Variants in AGAP6 observed in about 807,000 individuals in gnomAD.
The protein encoded by AGAP6 is ArfGAP with GTPase domain, ankyrin repeat and PH domain 6.
In AGAP6, 29 loss-of-function variants were observed where a neutral mutation model predicts 63.9. The ratio of observed to expected loss-of-function variants is 0.45; its 90% CI spans 0.34 to 0.62. The LOEUF is 0.62. Among genes scored for constraint, AGAP6 ranks in the 20% least tolerant of loss-of-function variants. AGAP6 has a pLI of 0.01. For missense variants in AGAP6, 493 were observed against 884.9 expected, an observed-to-expected ratio of 0.56 and a Z score of 5.62; for synonymous variants, 199 against 332.9, an observed-to-expected ratio of 0.60 and a Z score of 4.38.
chr10:49,997,585 C>A (rs539800053), intron 4 of AGAP6, among the ~76,000 whole-genome samples: 2 of 152,040 alleles, frequency 1.3e-5, no homozygotes, highest in Non-Finnish European at 2.9e-5. Context: ...GAACTTTAGT[C>A]TTTGTTTTAT....
intron 4 of AGAP6, among the ~76,000 whole-genome samples, chr10:49,996,935 T>A (rs1278184297): frequency 6.8e-6 from 1 of 147,732 alleles, no homozygotes; most frequent in Non-Finnish European, 1.5e-5. Context: ...TTATTAAAAA[T>A]TATCTCTGTC....
chr10:49,993,471 AT>A (rs1294384442), intron 3 of AGAP6, among the ~76,000 whole-genome samples: 3 of 151,538 alleles, frequency 2.0e-5, no homozygotes, highest in African/African-American at 7.3e-5. Context: ...AAAAAAAATG[AT>A]TTTTTGTGCT....
chr10:49,988,963 AC>A, intron 1 of AGAP6, 25 bp downstream of exon 1: 1 of 1,600,212 alleles, frequency 6.2e-7, no homozygotes, highest in African/African-American at 1.3e-5. Context: ...GGTGCCATCT[AC>A]CCTCGGTTTG....
intron 3 of AGAP6, among the ~76,000 whole-genome samples, chr10:49,993,346 T>TA (rs1564707217): frequency 1.3e-5 from 2 of 152,116 alleles, no homozygotes; most frequent in Non-Finnish European, 2.9e-5. Flanking sequence ...TCTTCAGTGG[T>TA]AGGAGCTTTT....
chr10:49,996,843 G>A (rs1433530147), intron 4 of AGAP6, among the ~76,000 whole-genome samples: 2 of 150,738 alleles, frequency 1.3e-5, no homozygotes, highest in African/African-American at 4.9e-5. Flanking sequence ...GCTCACTTGT[G>A]TTCCAGTCAC....
intron 2 of AGAP6, 51 bp from the exon 3 acceptor site, chr10:49,991,625 A>T: frequency 6.3e-7 from 1 of 1,593,112 alleles, no homozygotes; most frequent in South Asian, 1.1e-5. Flanking sequence ...GAGTTGATAA[A>T]TTTTTATCAA....
At chr10:50,003,368 A>C (rs1198875773) in intron 5 of AGAP6, among the ~76,000 whole-genome samples, 82 of 151,748 alleles carry the variant, frequency 5.4e-4, no homozygotes, top group African/African-American at 2.0e-3. Context: ...ACTCGCTGAG[A>C]TCACTTATGC....
In AGAP6 at chr10:50,008,922, G is replaced by A. The variant is rs781938609; in HGVS notation, c.797G>A (p.Arg266Lys). 6.2e-7 allele frequency: 1 copy of A among 1,613,884 alleles called. No individual in the cohort carries two copies. The highest frequency in any genetic ancestry group is 8.5e-7 in the Non-Finnish European group (1 of 1,179,934). The stretch of plus-strand genomic sequence containing the variant: ...AAAGGGAGTGACCCAGACAAAGAGA[G>A]GAAAGCCCCGGAGAATCATGCTGAC... ...SEKGSDPDKE[R>K]KAPENHADTI... The change falls in exon 8 of 8, where the codon AGG becomes AAG. Residue 266 changes from arginine (R) to lysine (K), a missense_variant. This residue lies in a region of AGAP6 where 342 missense variants were observed against 533.4 expected (regional missense o/e 0.64). Transcript: ENST00000412531.
rs1244292351 is a variant in AGAP6, at chr10:50,009,303, C to A, written c.1178C>A (p.Pro393His). The change falls in exon 8 of 8, where the codon CCC (proline) becomes CAC (histidine). Residue 393 changes from proline (P) to histidine (H), a missense_variant. Coordinates refer to ENST00000412531, the MANE Select transcript of AGAP6 (RefSeq NM_001077665.3). ...STTSPKLNPP[P>H]SPHANKKKHL... ...ACCAGCCCCAAGCTCAACCCGCCCC[C>A]CTCTCCTCATGCTAATAAAAAGAAA... 1.8e-5 allele frequency: 29 copies of A among 1,614,082 alleles called. No individual in the cohort carries two copies. The highest frequency in any genetic ancestry group is 2.4e-5 in the Non-Finnish European group (28 of 1,180,052).
chr10:50,006,862 G>A (rs1376456943), intron 6 of AGAP6, among the ~76,000 whole-genome samples: 2 of 149,392 alleles, frequency 1.3e-5, no homozygotes, highest in African/African-American at 2.4e-5. Context: ...CATCAAAGAC[G>A]TTCTTACGAA....
Position 49,991,407 on chromosome 10 carries a change from A to G in AGAP6, c.293-269A>G, listed in dbSNP as rs1841272968. Among the ~76,000 whole-genome samples the G allele has an allele frequency of 4.6e-5, 4 of 87,472 alleles. No individual in the cohort carries two copies. In the South Asian group the frequency reaches 1.5e-3, roughly 33 times the overall value. 57.4% of individuals were successfully genotyped at this position (87,472 alleles called of 152,430 possible). ...CTGTTTTTTTTTTTTTTTTTTTTTA[A>G]TAAAGGAGGGTGTCATTGTGTTACT... On this transcript the variant is annotated intron_variant, in intron 2 of 7. Transcript: ENST00000412531.
In AGAP6 at chr10:50,009,249, T is replaced by TA. The variant is rs1842023388; in HGVS notation, c.1125dup (p.Cys376MetfsTer23). The TA allele has an allele frequency of 6.2e-7, 1 of 1,614,068 alleles. No homozygotes were observed. Among genetic ancestry groups the TA allele is most frequent in the African/African-American group, 1.3e-5 (1 of 74,932 alleles). The stretch of plus-strand genomic sequence containing the variant: ...ATGGACACCGGGCTGGGTGACTCCA[T>TA]ATGCTTCAGCCCCAGTATCTCCAGC... On this transcript the variant is annotated frameshift_variant, in exon 8 of 8. Coordinates refer to ENST00000412531, the MANE Select transcript of AGAP6 (RefSeq NM_001077665.3). LOFTEE classifies it high-confidence loss of function.
In AGAP6 at chr10:50,010,362, A is replaced by G; in HGVS notation, c.*176A>G. On this transcript the variant is annotated 3_prime_UTR_variant, in exon 8 of 8. Transcript: ENST00000412531. The stretch of plus-strand genomic sequence containing the variant: ...TTTTTCTGACCATAAGACGTATTTT[A>G]TGTCCTTCTGCCAAGGTGGATTTGT... 7.7e-7 allele frequency: 1 copy of G among 1,304,130 alleles called. No homozygotes were observed. Among genetic ancestry groups the G allele is most frequent in the East Asian group, 2.4e-5 (1 of 40,958 alleles). 80.8% of individuals were successfully genotyped at this position (1,304,130 alleles called of 1,614,324 possible). A position where few individuals can be genotyped will look rare whatever the true frequency, so the allele number is the denominator to read the frequency against.
In AGAP6 at chr10:49,989,385, A is replaced by G. The variant is rs566096646; in HGVS notation, c.292+9A>G. ...GAACTCTCAAACAGAAGGTGAGACAACAGTGTCTGTAGCTCTATTTATTAT... is the reference window on the plus strand; with the variant it reads ...GAACTCTCAAACAGAAGGTGAGACAGCAGTGTCTGTAGCTCTATTTATTAT... On this transcript the variant is annotated intron_variant, in intron 2 of 7. Coordinates refer to ENST00000412531, the MANE Select transcript of AGAP6 (RefSeq NM_001077665.3). 92 of 1,597,498 alleles carry G rather than the reference A, an allele frequency of 5.8e-5. No homozygotes were observed. In the East Asian group the frequency reaches 1.8e-3, roughly 32 times the overall value.
rs550854920 is a variant in AGAP6, at chr10:50,004,334, C to G, written c.498-351C>G. Among the ~76,000 whole-genome samples, 677 of 151,026 alleles carry G rather than the reference C, an allele frequency of 4.5e-3. 3 individuals carry two copies. The highest frequency in any genetic ancestry group is 0.016 in the African/African-American group (654 of 41,242). The stretch of plus-strand genomic sequence containing the variant: ...TGGCACCACTGCAGTCCAGTCTGAG[C>G]AAGAGAGACAGACTCTGGGTCAAAA... On this transcript the variant is annotated intron_variant, in intron 5 of 7. Coordinates refer to ENST00000412531, the MANE Select transcript of AGAP6 (RefSeq NM_001077665.3).
intron 7 of AGAP6, among the ~76,000 whole-genome samples, chr10:50,008,398 C>G (rs1364170758): frequency 6.6e-6 from 1 of 151,412 alleles, no homozygotes; most frequent in Non-Finnish European, 1.5e-5. Context: ...TCCCAGGTCC[C>G]TGTTCAAGCA....
intron 5 of AGAP6, among the ~76,000 whole-genome samples, chr10:50,003,863 A>G (rs1397731059): frequency 6.6e-6 from 1 of 152,216 alleles, no homozygotes; most frequent in Non-Finnish European, 1.5e-5. Flanking sequence ...TGTAACTTTA[A>G]ATTCTGTGAT....
rs546178927 is a variant in AGAP6, at chr10:49,996,210, T to C, written c.396+1781T>C. On this transcript the variant is annotated intron_variant, in intron 4 of 7. Coordinates refer to ENST00000412531, the MANE Select transcript of AGAP6 (RefSeq NM_001077665.3). Reference sequence around the variant, plus strand: ...TGACTTTATCCTCTACTATTTCTATTGAATTTTGTAATTTTTGGAGTGTTT... The same window carrying C: ...TGACTTTATCCTCTACTATTTCTATCGAATTTTGTAATTTTTGGAGTGTTT... Among the ~76,000 whole-genome samples, 8 of 152,330 alleles carry C rather than the reference T, an allele frequency of 5.3e-5. No homozygotes were observed. The South Asian group carries it at 1.7e-3, about 32-fold the overall frequency.
At chr10:50,005,981 GGT>G (rs1205932036) in intron 6 of AGAP6, among the ~76,000 whole-genome samples, 1 of 150,284 alleles carries the variant, frequency 6.7e-6, no homozygotes, top group African/African-American at 2.4e-5. Context: ...GTTGGTAGAA[GGT>G]GTATTTTTAA....
Sources: gnomAD v4.1 joint callset for allele counts (sites outside exome capture counted in the v4.1 genomes callset) on GRCh38, gnomAD v4.1.1 for gene constraint, gnomAD v4.1.1 regional missense constraint, MANE v1.5 for transcripts, NCBI Gene and HGNC (gene_info 2026-07-23, HGNC 2026-07-21) for gene names.